CNTNAP2: variants seen among roughly 807,000 people sequenced by gnomAD.
The protein encoded by CNTNAP2 is contactin associated protein 2, also known as contactin-associated protein-like 2.
In CNTNAP2, 98 loss-of-function variants were observed where a neutral mutation model predicts 155.2. The observed-to-expected ratio is 0.63, with a 90% CI of 0.54 to 0.75. CNTNAP2 has a LOEUF of 0.75. Among genes scored for constraint, CNTNAP2 ranks in the 30% least tolerant of loss-of-function variants. The pLI is 0.00. For synonymous variants in CNTNAP2, 651 were observed against 631.2 expected, an observed-to-expected ratio of 1.03 and a Z score of -0.47; for missense variants, 1,727 against 1,688.1, an observed-to-expected ratio of 1.02 and a Z score of -0.40.
At chr7:146,699,957 G>A (rs1800847394) in intron 1 of CNTNAP2, among the ~76,000 whole-genome samples, 1 of 152,058 alleles carries the variant, frequency 6.6e-6, no homozygotes, top group African/African-American at 2.4e-5. Flanking sequence ...GACAGAGTGA[G>A]ACTTTGTCTC....
chr7:147,715,374 C>T (rs1413228568), intron 13 of CNTNAP2, among the ~76,000 whole-genome samples: 1 of 152,066 alleles, frequency 6.6e-6, no homozygotes, highest in Non-Finnish European at 1.5e-5. Context: ...CCTAGTCATT[C>T]TGATAGGTGT....
intron 8 of CNTNAP2, among the ~76,000 whole-genome samples, chr7:147,211,345 G>A (rs145795001): frequency 5.9e-5 from 9 of 151,982 alleles, no homozygotes; most frequent in East Asian, 3.9e-4. Context: ...TGACAGTTAC[G>A]TCTTCTCATT....
chr7:147,290,881 A>G (rs1055282335), intron 8 of CNTNAP2, among the ~76,000 whole-genome samples: 2 of 152,292 alleles, frequency 1.3e-5, no homozygotes, highest in African/African-American at 4.8e-5. Flanking sequence ...TTTTGGGTTT[A>G]TAACTAAATT....
chr7:147,156,865 T>C (rs1801935891), intron 8 of CNTNAP2, among the ~76,000 whole-genome samples: 1 of 152,064 alleles, frequency 6.6e-6, no homozygotes, highest in South Asian at 2.1e-4. Flanking sequence ...TTCACACTAG[T>C]ATGGTTGCAA....
intron 3 of CNTNAP2, among the ~76,000 whole-genome samples, chr7:146,912,129 T>C (rs1054898563): frequency 6.6e-6 from 1 of 150,814 alleles, no homozygotes; most frequent in African/African-American, 2.4e-5. Context: ...AGTCATTGAA[T>C]ATGTATTAGC....
intron 12 of CNTNAP2, among the ~76,000 whole-genome samples, chr7:147,567,906 C>T (rs540157662): frequency 3.8e-4 from 57 of 151,954 alleles, no homozygotes; most frequent in Middle Eastern, 3.4e-3. Flanking sequence ...ACCAACATGG[C>T]GAAACCCCGT....
At chr7:146,878,768 T>G (rs1487956140) in intron 3 of CNTNAP2, among the ~76,000 whole-genome samples, 1 of 152,114 alleles carries the variant, frequency 6.6e-6, no homozygotes, top group Non-Finnish European at 1.5e-5. Context: ...CCTCCTGACC[T>G]TTGCAACTGT....
intron 9 of CNTNAP2, among the ~76,000 whole-genome samples, chr7:147,329,454 G>A (rs1043485768): frequency 6.6e-6 from 1 of 152,014 alleles, no homozygotes; most frequent in African/African-American, 2.4e-5. Flanking sequence ...AATAATGGTA[G>A]AAGTTGTCTC....
At chr7:147,940,669 G>A (rs974353951) in intron 14 of CNTNAP2, among the ~76,000 whole-genome samples, 11 of 151,964 alleles carry the variant, frequency 7.2e-5, no homozygotes, top group African/African-American at 2.7e-4. Context: ...TGAGTAGCTG[G>A]GACCACAGAC....
intron 11 of CNTNAP2, among the ~76,000 whole-genome samples, chr7:147,511,870 A>G (rs755776410): frequency 1.3e-5 from 2 of 152,238 alleles, no homozygotes; most frequent in Non-Finnish European, 2.9e-5. Context: ...ATGAGCAAAG[A>G]AAATGCCTTC....
At chr7:147,439,503 T>C (rs1352875136) in intron 10 of CNTNAP2, among the ~76,000 whole-genome samples, 3 of 152,012 alleles carry the variant, frequency 2.0e-5, no homozygotes, top group Non-Finnish European at 4.4e-5. Flanking sequence ...ACCTAACATA[T>C]GGTCAATCCT....
At chr7:147,771,354 G>T (rs115231572) in intron 13 of CNTNAP2, among the ~76,000 whole-genome samples, 1,886 of 152,296 alleles carry the variant, frequency 0.012, 33 homozygotes, top group African/African-American at 0.042. Flanking sequence ...TGCATGAAAA[G>T]ATGCTACAAA....
Position 148,118,119 on chromosome 7 carries a change from G to T in CNTNAP2, c.2385G>T (p.Arg795Ser). 6.2e-7 allele frequency: 1 copy of T among 1,614,030 alleles called. No individual in the cohort carries two copies. Among genetic ancestry groups the T allele is most frequent in the African/African-American group, 1.3e-5 (1 of 75,016 alleles). The stretch of plus-strand genomic sequence containing the variant: ...GATTTTTTTGTTTTCTTCCCACAGG[G>T]AATTATTGGAATGCCGCCTCTTTCC... ...SVGPLRCQGD[R>S]NYWNAASFPN... Residue 795 changes from arginine (R) to serine (S), a missense_variant and splice_region_variant, in exon 16 of 24, where the codon AGG becomes AGT. Coordinates refer to ENST00000361727, the MANE Select transcript of CNTNAP2 (RefSeq NM_014141.6).
intron 3 of CNTNAP2, among the ~76,000 whole-genome samples, chr7:146,861,179 G>A (rs1253102959): frequency 6.6e-6 from 1 of 151,994 alleles, no homozygotes; most frequent in Non-Finnish European, 1.5e-5. Context: ...TCCTGCCTCA[G>A]CCTCCTGAGT....
intron 1 of CNTNAP2, among the ~76,000 whole-genome samples, chr7:146,492,167 A>G (rs1409470464): frequency 6.6e-6 from 1 of 151,182 alleles, no homozygotes; most frequent in Non-Finnish European, 1.5e-5. Context: ...GTGCACTGCC[A>G]AATGGAAATG....
chr7:147,124,876 C>CTTTTTTTTTTT (rs371912854), intron 6 of CNTNAP2, among the ~76,000 whole-genome samples: 3 of 80,064 alleles, frequency 3.7e-5, no homozygotes, highest in East Asian at 4.6e-4. Context: ...CCTTTTTTTC[C>CTTTTTTTTTTT]TTTTTTTTTT....
At chr7:146,694,769 A>G (rs1172910302) in intron 1 of CNTNAP2, among the ~76,000 whole-genome samples, 1 of 152,188 alleles carries the variant, frequency 6.6e-6, no homozygotes, top group Non-Finnish European at 1.5e-5. Context: ...GATTTAATGT[A>G]GTTAACATTT....
rs760701309 is a variant in CNTNAP2, at chr7:148,416,476, C to T, written c.*860C>T. The T allele has an allele frequency of 3.6e-5, 5 of 139,042 alleles. No individual in the cohort carries two copies. The highest frequency in any genetic ancestry group is 6.5e-5 in the African/African-American group (2 of 30,546). 8.6% of individuals were successfully genotyped at this position (139,042 alleles called of 1,614,324 possible). ...CATACTGGATTTATATATGTATAAGCGCCTCAATGGGGAATTAGAGCCAGA... is the reference window on the plus strand; with the variant it reads ...CATACTGGATTTATATATGTATAAGTGCCTCAATGGGGAATTAGAGCCAGA... On this transcript the variant is annotated 3_prime_UTR_variant, in exon 24 of 24. Coordinates refer to ENST00000361727, the MANE Select transcript of CNTNAP2 (RefSeq NM_014141.6).
chr7:146,926,930 A>T (rs564048464), intron 3 of CNTNAP2, among the ~76,000 whole-genome samples: 4 of 152,268 alleles, frequency 2.6e-5, no homozygotes, highest in African/African-American at 7.2e-5. Flanking sequence ...AAACACAAAT[A>T]ACTTCGATTC....
Sources: allele counts gnomAD v4.1 joint callset (sites outside exome capture counted in the v4.1 genomes callset), GRCh38; gene constraint gnomAD v4.1.1; transcripts MANE v1.5; gene names NCBI Gene and HGNC (gene_info 2026-07-23, HGNC 2026-07-21).